The following TMEM101 variants were observed in gnomAD, a reference collection of about 807,000 sequenced individuals.
The protein encoded by TMEM101 is putative NF-kappa-B-activating protein 130.
Under a neutral mutation model 26.0 loss-of-function variants are expected in TMEM101, and 14 were observed. That is an observed-to-expected ratio of 0.54 (90% CI 0.36 to 0.84). The LOEUF is 0.84. Ranked by LOEUF, TMEM101 falls within the 40% of genes least tolerant of loss-of-function variation. The pLI, the probability that TMEM101 is intolerant of heterozygous loss-of-function variation, is 0.01. For synonymous variants in TMEM101, 152 were observed against 145.1 expected, an observed-to-expected ratio of 1.05 and a Z score of -0.34; for missense variants, 292 against 345.1, an observed-to-expected ratio of 0.85 and a Z score of 1.22.
At chr17:44,022,965 TAAGC>T in intron 1 of TMEM101, 1 of 188,118 alleles carries the variant, frequency 5.3e-6, no homozygotes, top group African/African-American at 2.4e-5. Context: ...ATTAATATAA[TAAGC>T]AAATGATACA....
intron 3 of TMEM101, chr17:44,012,568 C>T (rs1034056587): frequency 2.8e-5 from 11 of 395,836 alleles, no homozygotes; most frequent in Admixed American, 4.0e-5. Context: ...AATGGCCTGG[C>T]GCCTGTCCAT....
chr17:44,022,325 C>G (rs1345634585), intron 1 of TMEM101, among the ~76,000 whole-genome samples: 2 of 152,188 alleles, frequency 1.3e-5, no homozygotes, highest in Admixed American at 1.3e-4. Context: ...TGTACCTGCT[C>G]CAAACCCTGG....
upstream of TMEM101, chr17:44,019,270 A>G (rs542314745): frequency 9.8e-6 from 4 of 406,142 alleles, no homozygotes; most frequent in African/African-American, 8.3e-5. Context: ...CAGACTGGGA[A>G]GCAACAGCAA....
At chr17:44,016,309 A>G (rs556228228), upstream of TMEM101, among the ~76,000 whole-genome samples, 38 of 152,182 alleles carry the variant, frequency 2.5e-4, 2 homozygotes, top group South Asian at 7.5e-3. Flanking sequence ...AGTAGCTGGG[A>G]TTACTGGCGC....
chr17:44,013,826 C>T (rs2049192478), intron 2 of TMEM101, among the ~76,000 whole-genome samples: 1 of 152,152 alleles, frequency 6.6e-6, no homozygotes, highest in African/African-American at 2.4e-5. Flanking sequence ...ATTGATCTTG[C>T]TGCCCTGTAG....
upstream of TMEM101, among the ~76,000 whole-genome samples, chr17:44,017,593 C>CAAAAAA (rs1242207636): frequency 1.3e-5 from 1 of 75,164 alleles, no homozygotes; most frequent in Non-Finnish European, 2.6e-5. Context: ...GACAACATCT[C>CAAAAAA]AAAAAAAAAA....
chr17:44,019,109 A>G (rs771609764), upstream of TMEM101: 1 of 201,820 alleles, frequency 5.0e-6, no homozygotes, highest in Non-Finnish European at 1.0e-5. Flanking sequence ...GCACACATAC[A>G]ATACCTTTAA....
At position 44,014,888 on chromosome 17, in the gene TMEM101, A is replaced by G. The variant is rs1597871345; in HGVS notation, c.65T>C (p.Leu22Pro). ...GCCCCAAAAGGGGCAGCGTGTGAGC[A>G]GCACCGAACCCAACTGCATGATCAG... ...LQLIMQLGSVLLTRCPFWGCF... is the reference protein window; with the variant it reads ...LQLIMQLGSVPLTRCPFWGCF... Residue 22 changes from leucine to proline, a missense_variant, in exon 1 of 4, where the codon CTG (leucine) becomes CCG (proline). Coordinates refer to ENST00000206380, the MANE Select transcript of TMEM101 (RefSeq NM_032376.4). 4.3e-6 allele frequency: 7 copies of G among 1,614,008 alleles called. No individual in the cohort carries two copies. Among genetic ancestry groups the G allele is most frequent in the Admixed American group, 1.7e-5 (1 of 59,972 alleles).
intron 3 of TMEM101, chr17:44,012,470 C>T: frequency 1.8e-6 from 1 of 553,910 alleles, no homozygotes; most frequent in Non-Finnish European, 3.2e-6. Context: ...AGTGTATTTC[C>T]ACAGTCAGAC....
rs748374709 is a variant in TMEM101, at chr17:44,014,939, A to G, written c.14T>C (p.Ile5Thr). Residue 5 changes from isoleucine to threonine, a missense_variant, in exon 1 of 4, where the codon ATA (isoleucine) becomes ACA (threonine). Physicochemically the swap from Ile to Thr is moderately conservative, Grantham distance 89. Around this residue, in one of 2 missense-constraint regions of TMEM101, gnomAD observed 143 missense variants for 133.2 expected, o/e 1.07. Coordinates refer to ENST00000206380, the MANE Select transcript of TMEM101 (RefSeq NM_032376.4). MASK[I>T]GSRRWMLQLI... is the part of the protein sequence containing the mutation. ...CTGCAACATCCACCGTCTCGAACCTATCTTCGACGCCATCTTGGGAAAGGG... is the reference window on the plus strand; with the variant it reads ...CTGCAACATCCACCGTCTCGAACCTGTCTTCGACGCCATCTTGGGAAAGGG... The G allele has an allele frequency of 3.1e-6, 5 of 1,612,096 alleles. No homozygotes were observed. The highest frequency in any genetic ancestry group is 2.2e-5 in the East Asian group (1 of 44,792).
At chr17:44,015,096 C>T, upstream of TMEM101, 1 of 1,188,018 alleles carries the variant, frequency 8.4e-7, no homozygotes, top group Non-Finnish European at 1.2e-6. Context: ...TCTAAGGTGA[C>T]CCAGTTGCGA....
At position 44,011,483 on chromosome 17, in the gene TMEM101, ACG is replaced by A; in HGVS notation, c.*443_*444del. The A allele has an allele frequency of 5.3e-6, 1 of 187,984 alleles. No homozygotes were observed. Among genetic ancestry groups the A allele is most frequent in the Non-Finnish European group, 1.1e-5 (1 of 89,442 alleles). 11.6% of individuals were successfully genotyped at this position (187,984 alleles called of 1,614,324 possible). A position where few individuals can be genotyped will look rare whatever the true frequency, so the allele number is the denominator to read the frequency against. Reference sequence around the variant, plus strand: ...GGGCCTGATCCACATGTGTCAACACACGCACTCCCTCTCACAGTCTCCAAACA... The same window carrying A: ...GGGCCTGATCCACATGTGTCAACACACACTCCCTCTCACAGTCTCCAAACA... On this transcript the variant is annotated 3_prime_UTR_variant, in exon 4 of 4. Coordinates refer to ENST00000206380, the MANE Select transcript of TMEM101 (RefSeq NM_032376.4).
Position 44,014,806 on chromosome 17 carries a change from G to A in TMEM101, c.137+10C>T. On this transcript the variant is annotated intron_variant, in intron 1 of 3. Coordinates refer to ENST00000206380, the MANE Select transcript of TMEM101 (RefSeq NM_032376.4). ...CCTGCCGCGTTTAGCGGCTGCGTAG[G>A]CCTGCTCACCGGCGTGCCTCAGCCC... The A allele has an allele frequency of 1.3e-6, 2 of 1,563,756 alleles. No homozygotes were observed. The highest frequency in any genetic ancestry group is 1.7e-6 in the Non-Finnish European group (2 of 1,151,822).
At chr17:44,018,872 C>G (rs1227455855), upstream of TMEM101, among the ~76,000 whole-genome samples, 2 of 152,176 alleles carry the variant, frequency 1.3e-5, no homozygotes, top group Non-Finnish European at 2.9e-5. Flanking sequence ...CCTGCTCTTT[C>G]CTCTTTCCCA....
chr17:44,019,290 C>T, upstream of TMEM101: 1 of 418,262 alleles, frequency 2.4e-6, no homozygotes, highest in South Asian at 1.8e-5. Flanking sequence ...ACAGCCTGGG[C>T]TCGAGAGTCG....
upstream of TMEM101, among the ~76,000 whole-genome samples, chr17:44,018,656 A>T (rs1291139759): frequency 6.6e-6 from 1 of 152,150 alleles, no homozygotes; most frequent in Non-Finnish European, 1.5e-5. Context: ...ACATGTCCAT[A>T]AAATAGTCCT....
chr17:44,014,084 G>T (rs1266233069), intron 2 of TMEM101, among the ~76,000 whole-genome samples: 1 of 152,208 alleles, frequency 6.6e-6, no homozygotes, highest in Non-Finnish European at 1.5e-5. Flanking sequence ...GGTGACCGGG[G>T]TTCTGGTCCC....
chr17:44,019,161 T>C (rs2049261467), upstream of TMEM101: 1 of 240,022 alleles, frequency 4.2e-6, no homozygotes, highest in African/African-American at 2.3e-5. Context: ...AATGCAGATA[T>C]AATAAGCAAA....
Position 44,012,060 on chromosome 17 carries a change from G to A in TMEM101, c.642C>T (p.Val214=). ...CAACATTGCCATCAATGAGCAGCAT[G>A]ACAGGGGGCAGCAGTACAGCCAGGA... is the stretch of plus-strand genomic sequence containing the variant. ...AQILAVLLPP[V]MLLIDGNVAY... Residue 214 remains valine, a synonymous_variant, in exon 4 of 4, where the codon GTC becomes GTT. Transcript: ENST00000206380. The A allele has an allele frequency of 6.2e-7, 1 of 1,614,270 alleles. No individual in the cohort carries two copies. The highest frequency in any genetic ancestry group is 2.2e-5 in the East Asian group (1 of 44,892).
Sources: gnomAD v4.1 joint callset for allele counts (sites outside exome capture counted in the v4.1 genomes callset) on GRCh38, gnomAD v4.1.1 for gene constraint, gnomAD v4.1.1 regional missense constraint, MANE v1.5 for transcripts, NCBI Gene and HGNC (gene_info 2026-07-23, HGNC 2026-07-21) for gene names.